Variants in ERBB4 observed in about 807,000 individuals in gnomAD.
The protein encoded by ERBB4 is receptor tyrosine-protein kinase erbB-4.
A neutral mutation model predicts 158.0 loss-of-function variants in ERBB4; 42 were observed. That is an observed-to-expected ratio of 0.27 (90% CI 0.21 to 0.34). The LOEUF is 0.34. Among genes scored for constraint, ERBB4 ranks in the 10% least tolerant of loss-of-function variants. The probability of loss-of-function intolerance (pLI) is 1.00; values close to 1 mark genes in which losing one functional copy is unlikely to be tolerated. For missense variants in ERBB4, 1,333 were observed against 1,624.1 expected (o/e 0.82, Z 3.08); for synonymous variants, 583 against 558.7 (o/e 1.04, Z -0.61).
At chr2:212,134,291 T>C (rs2080200152) in intron 1 of ERBB4, among the ~76,000 whole-genome samples, 2 of 152,126 alleles carry the variant, frequency 1.3e-5, no homozygotes, top group Admixed American at 1.3e-4. Flanking sequence ...CATACATTAC[T>C]CTATTAGTAT....
intron 19 of ERBB4, among the ~76,000 whole-genome samples, chr2:211,602,640 T>C (rs1366156639): frequency 6.6e-6 from 1 of 152,172 alleles, no homozygotes; most frequent in Non-Finnish European, 1.5e-5. Context: ...ATAGTACAGT[T>C]ACTCTTGCCA....
chr2:212,168,553 TA>T (rs2081419186), intron 1 of ERBB4, among the ~76,000 whole-genome samples: 2 of 152,110 alleles, frequency 1.3e-5, no homozygotes, highest in Non-Finnish European at 1.5e-5. Context: ...TAAAATCCAG[TA>T]GGTAAAATTA....
In ERBB4 at chr2:212,362,143, T is replaced by A. The variant is rs1042186891; in HGVS notation, c.82+176306A>T. On this transcript the variant is annotated intron_variant, in intron 1 of 27. Coordinates refer to ENST00000342788, the MANE Select transcript of ERBB4 (RefSeq NM_005235.3). ...ATAAAGATTTTCTACTTTGTTATTATAATGTTTTAAATTCAGTGGCTATCA... is the reference window on the plus strand; with the variant it reads ...ATAAAGATTTTCTACTTTGTTATTAAAATGTTTTAAATTCAGTGGCTATCA... Among the ~76,000 whole-genome samples, 3 of 151,580 alleles carry A rather than the reference T, an allele frequency of 2.0e-5. No homozygotes were observed. The East Asian group carries it at 5.8e-4, about 29-fold the overall frequency.
intron 3 of ERBB4, among the ~76,000 whole-genome samples, chr2:211,922,814 G>A (rs770814739): frequency 1.6e-4 from 24 of 152,074 alleles, no homozygotes; most frequent in African/African-American, 2.2e-4. Context: ...AGCAAGGGGA[G>A]TCAGTCATAT....
chr2:212,520,758 T>C (rs926972753), intron 1 of ERBB4, among the ~76,000 whole-genome samples: 1 of 151,962 alleles, frequency 6.6e-6, no homozygotes, highest in Non-Finnish European at 1.5e-5. Context: ...TTTGAGGTTG[T>C]TGCAAAAAAG....
chr2:211,680,795 T>C (rs1365953336), intron 12 of ERBB4, among the ~76,000 whole-genome samples: 1 of 152,238 alleles, frequency 6.6e-6, no homozygotes, highest in Non-Finnish European at 1.5e-5. Flanking sequence ...ACTTCTTGAA[T>C]AATCTCTTTC....
intron 1 of ERBB4, among the ~76,000 whole-genome samples, chr2:212,423,714 T>C (rs2091847603): frequency 6.6e-6 from 1 of 152,218 alleles, no homozygotes; most frequent in Admixed American, 6.5e-5. Flanking sequence ...AATTGAAGTC[T>C]GTGCATTTGA....
chr2:212,222,263 A>G (rs1221109323), intron 1 of ERBB4, among the ~76,000 whole-genome samples: 1 of 151,582 alleles, frequency 6.6e-6, no homozygotes, highest in Non-Finnish European at 1.5e-5. Context: ...AGTACGGGTT[A>G]ATGGTCAAAA....
At chr2:211,634,469 C>G (rs2125881880) in intron 16 of ERBB4, among the ~76,000 whole-genome samples, 1 of 152,036 alleles carries the variant, frequency 6.6e-6, no homozygotes, top group South Asian at 2.1e-4. Flanking sequence ...TTTATGATTC[C>G]TAGATGTTTG....
chr2:212,003,107 A>G (rs1476572156), intron 2 of ERBB4, among the ~76,000 whole-genome samples: 3 of 46,088 alleles, frequency 6.5e-5, no homozygotes, highest in Admixed American at 3.4e-4. Flanking sequence ...GACAGAAAGA[A>G]AGAAAGAAGG....
chr2:212,192,089 ATT>A (rs1273256927), intron 1 of ERBB4, among the ~76,000 whole-genome samples: 8 of 130,314 alleles, frequency 6.1e-5, no homozygotes, highest in Non-Finnish European at 1.3e-4. Flanking sequence ...TATTATATAT[ATT>A]ATATAAGTTA....
In ERBB4 at chr2:212,381,749, T is replaced by A. The variant is rs530059077; in HGVS notation, c.82+156700A>T. 2.0e-5 allele frequency among the ~76,000 whole-genome samples: 3 copies of A among 151,482 alleles called. No individual in the cohort carries two copies. The East Asian group carries it at 5.8e-4, about 29-fold the overall frequency. On this transcript the variant is annotated intron_variant, in intron 1 of 27. Coordinates refer to ENST00000342788, the MANE Select transcript of ERBB4 (RefSeq NM_005235.3). The stretch of plus-strand genomic sequence containing the variant: ...AAAATTAATGTAACAAAAATAAATT[T>A]ATTCATAAATGCATTATATACCCTC...
At chr2:211,445,224 CA>C (rs1171670807) in intron 20 of ERBB4, among the ~76,000 whole-genome samples, 2 of 151,976 alleles carry the variant, frequency 1.3e-5, no homozygotes, top group African/African-American at 4.8e-5. Flanking sequence ...GGAGGACAAA[CA>C]AGGGTAAAGC....
chr2:211,959,021 AAC>A (rs1335318381), intron 2 of ERBB4, among the ~76,000 whole-genome samples: 2 of 152,066 alleles, frequency 1.3e-5, no homozygotes, highest in Non-Finnish European at 2.9e-5. Flanking sequence ...AATATAACCA[AAC>A]AATCCTAACG....
chr2:212,187,443 A>ATAAATAAATAAG (rs879374534), intron 1 of ERBB4, among the ~76,000 whole-genome samples: 4 of 147,978 alleles, frequency 2.7e-5, no homozygotes, highest in Non-Finnish European at 4.5e-5. Flanking sequence ...AAATAAATAA[A>ATAAATAAATAAG]TAAATAAAGA....
At chr2:212,247,003 T>C (rs2084333705) in intron 1 of ERBB4, among the ~76,000 whole-genome samples, 1 of 152,156 alleles carries the variant, frequency 6.6e-6, no homozygotes, top group Non-Finnish European at 1.5e-5. Flanking sequence ...TCTCTGAAAA[T>C]GTGAGTCATT....
At chr2:211,918,208 G>A (rs571859861) in intron 3 of ERBB4, among the ~76,000 whole-genome samples, 3 of 152,284 alleles carry the variant, frequency 2.0e-5, no homozygotes, top group South Asian at 4.1e-4. Context: ...AGTAGTTCCT[G>A]TAAAAGTTCT....
chr2:211,610,229 C>T (rs1444701356), intron 19 of ERBB4, among the ~76,000 whole-genome samples: 1 of 152,088 alleles, frequency 6.6e-6, no homozygotes, highest in Non-Finnish European at 1.5e-5. Context: ...TTATTAGATA[C>T]ATATGTGCCT....
intron 21 of ERBB4, among the ~76,000 whole-genome samples, chr2:211,429,310 T>TAA (rs1574473816): frequency 1.3e-5 from 2 of 152,130 alleles, no homozygotes; most frequent in African/African-American, 2.4e-5. Flanking sequence ...TCCTCTCATA[T>TAA]AATTTGGCCA....
Sources: gnomAD v4.1 joint callset for allele counts (sites outside exome capture counted in the v4.1 genomes callset) on GRCh38, gnomAD v4.1.1 for gene constraint, MANE v1.5 for transcripts, NCBI Gene and HGNC (gene_info 2026-07-23, HGNC 2026-07-21) for gene names.